PALB2: variants seen among roughly 807,000 people sequenced by gnomAD.
The protein encoded by PALB2 is mutant partner and localizer of BRCA2.
PALB2 carries 82 observed loss-of-function variants against 107.4 expected under a neutral mutation model. The ratio of observed to expected loss-of-function variants is 0.76; its 90% CI spans 0.64 to 0.92. The LOEUF (loss-of-function observed/expected upper bound fraction) is 0.92. Among genes scored for constraint, PALB2 ranks in the 40% least tolerant of loss-of-function variants. The pLI, the probability that PALB2 is intolerant of heterozygous loss-of-function variation, is 0.00. For missense variants in PALB2, 1,374 were observed against 1,379.9 expected (o/e 1.00, Z 0.07); for synonymous variants, 489 against 496.8 (o/e 0.98, Z 0.21).
Position 23,614,187 on chromosome 16 carries a change from G to A in PALB2, c.3114-96C>T, listed in dbSNP as rs931596267. On this transcript the variant is annotated intron_variant, in intron 10 of 12. Coordinates refer to ENST00000261584, the MANE Select transcript of PALB2 (RefSeq NM_024675.4). ...TTCATCATAGCATGTCTTAGGAGGT[G>A]ACCAGGGAAAAAACTAAGAGCTCCT... The A allele has an allele frequency of 7.1e-5, 63 of 887,466 alleles. No homozygotes were observed. The African/African-American group carries it at 1.0e-3, about 14-fold the overall frequency. 55.0% of individuals were successfully genotyped at this position (887,466 alleles called of 1,614,324 possible). A position where few individuals can be genotyped will look rare whatever the true frequency, so the allele number is the denominator to read the frequency against.
chr16:23,634,236 G>C (rs564847438), intron 4 of PALB2, among the ~76,000 whole-genome samples: 8 of 152,326 alleles, frequency 5.3e-5, no homozygotes, highest in African/African-American at 1.7e-4. Flanking sequence ...ATTAAGTAAA[G>C]TTATTTTAAT....
At chr16:23,633,397 G>C (rs532382203) in intron 4 of PALB2, among the ~76,000 whole-genome samples, 110 of 152,302 alleles carry the variant, frequency 7.2e-4, no homozygotes, top group Middle Eastern at 3.4e-3. Flanking sequence ...GCACATAGCT[G>C]AGTAGTTGAG....
At position 23,607,925 on chromosome 16, in the gene PALB2, G is replaced by A. The variant is rs1966508272; in HGVS notation, c.3289C>T (p.Pro1097Ser). 1 of 1,614,080 alleles carries A rather than the reference G, an allele frequency of 6.2e-7. No homozygotes were observed. The highest frequency in any genetic ancestry group is 8.5e-7 in the Non-Finnish European group (1 of 1,180,016). The change falls in exon 12 of 13, where the codon CCT becomes TCT. Residue 1097 changes from proline to serine, a missense_variant. Coordinates refer to ENST00000261584, the MANE Select transcript of PALB2 (RefSeq NM_024675.4). ...ACACCCACGCTGAGAGTCGTCTTAG[G>A]GTTAATCACAATGAGCTGAAACACA... ...SPVFQLIVIN[P>S]KTTLSVGVML...
rs377546218 is a variant in PALB2, at chr16:23,607,843, G to C, written c.3350+21C>G. On this transcript the variant is annotated intron_variant, in intron 12 of 12. Transcript: ENST00000261584. ...CCTTTCAGAATGTCCCACCCATAGAGTAGCAGTTATGCACACTTGCCTGCC... is the reference window on the plus strand; with the variant it reads ...CCTTTCAGAATGTCCCACCCATAGACTAGCAGTTATGCACACTTGCCTGCC... 2.5e-6 allele frequency: 4 copies of C among 1,613,356 alleles called. No homozygotes were observed. The East Asian group carries it at 6.7e-5, about 27-fold the overall frequency.
At chr16:23,631,825 CAA>C (rs1966880547) in intron 4 of PALB2, among the ~76,000 whole-genome samples, 1 of 152,162 alleles carries the variant, frequency 6.6e-6, no homozygotes, top group Non-Finnish European at 1.5e-5. Flanking sequence ...CCTTTTGAAG[CAA>C]AGAGTAATTT....
chr16:23,626,898 G>C (rs1966843786), intron 6 of PALB2, among the ~76,000 whole-genome samples: 1 of 151,948 alleles, frequency 6.6e-6, no homozygotes, highest in Non-Finnish European at 1.5e-5. Context: ...TGGGGTTACA[G>C]GCATGAGCCA....
At chr16:23,627,070 G>A (rs896138059) in intron 6 of PALB2, among the ~76,000 whole-genome samples, 1 of 152,156 alleles carries the variant, frequency 6.6e-6, no homozygotes, top group Non-Finnish European at 1.5e-5. Flanking sequence ...ATTCCTCGGA[G>A]GGAGTAACAT....
intron 12 of PALB2, among the ~76,000 whole-genome samples, chr16:23,604,088 T>TCAGG (rs1966417722): frequency 6.6e-6 from 1 of 152,210 alleles, no homozygotes; most frequent in Non-Finnish European, 1.5e-5. Context: ...ATCCTCTATC[T>TCAGG]CAGGCAGTGT....
At position 23,613,414 on chromosome 16, in the gene PALB2, C is replaced by T. The variant is rs577613269; in HGVS notation, c.3201+590G>A. Among the ~76,000 whole-genome samples, 177 of 152,100 alleles carry T rather than the reference C, an allele frequency of 1.2e-3. 1 individual carries two copies. Among genetic ancestry groups the T allele is most frequent in the African/African-American group, 4.1e-3 (171 of 41,502 alleles). ...ATACCAGCACTTTGGGAGGCTGAGG[C>T]GGGTGGATCACCTGAGGTCAGGAGT... is the stretch of plus-strand genomic sequence containing the variant. On this transcript the variant is annotated intron_variant, in intron 11 of 12. Coordinates refer to ENST00000261584, the MANE Select transcript of PALB2 (RefSeq NM_024675.4).
At position 23,624,055 on chromosome 16, in the gene PALB2, T is replaced by A. The variant is rs1227325413; in HGVS notation, c.2788A>T (p.Asn930Tyr). The A allele has an allele frequency of 1.2e-6, 2 of 1,608,338 alleles. No homozygotes were observed. Residue 930 changes from asparagine (N) to tyrosine (Y), a missense_variant, in exon 8 of 13, where the codon AAT (asparagine) becomes TAT (tyrosine). By Grantham distance (143) the Asn-to-Tyr change is moderately radical. Transcript: ENST00000261584. ...TTTCCCAAAGCTACACACACGAGAT[T>A]ATACACATCAGGCACTGGAACTATC... ...LQIVPVPDVY[N>Y]LVCVALGNLE... is the part of the protein sequence containing the mutation.
Position 23,626,285 on chromosome 16 carries a change from G to A in PALB2, c.2699C>T (p.Ala900Val), listed in dbSNP as rs730881890. The A allele has an allele frequency of 9.9e-6, 16 of 1,614,054 alleles. No homozygotes were observed. In the South Asian group the frequency reaches 1.5e-4, roughly 16 times the overall value. The change falls in exon 7 of 13, where the codon GCT becomes GTT. Residue 900 changes from alanine (A) to valine (V), a missense_variant. Physicochemically the swap from Ala to Val is moderately conservative, Grantham distance 64. Transcript: ENST00000261584. ...ACEDVVSLWK[A>V]LDAWQWEKLY... ...TTTTTCCCACTGCCAAGCATCCAGA[G>A]CTTTCCAAAGAGAAACTACATCTTC... is the stretch of plus-strand genomic sequence containing the variant.
At chr16:23,612,235 T>C (rs1966600020) in intron 11 of PALB2, among the ~76,000 whole-genome samples, 2 of 152,152 alleles carry the variant, frequency 1.3e-5, no homozygotes, top group South Asian at 4.1e-4. Flanking sequence ...TTTATTTATT[T>C]ATTTTGAGAC....
At chr16:23,613,450 C>G (rs1427716371) in intron 11 of PALB2, among the ~76,000 whole-genome samples, 4 of 152,048 alleles carry the variant, frequency 2.6e-5, no homozygotes, top group Non-Finnish European at 4.4e-5. Context: ...TCGAGACAAG[C>G]CTGGCCAACA....
In PALB2 at chr16:23,636,041, G is replaced by C. The variant is rs180177086; in HGVS notation, c.505C>G (p.Leu169Val). 6.2e-7 allele frequency: 1 copy of C among 1,614,086 alleles called. No individual in the cohort carries two copies. The highest frequency in any genetic ancestry group is 8.5e-7 in the Non-Finnish European group (1 of 1,180,022). Reference sequence around the variant, plus strand: ...TTTAGTCTTTTCCCAGACAATCTGAGTGAATCAGTGCCAAAGACACAGTCT... The same window carrying C: ...TTTAGTCTTTTCCCAGACAATCTGACTGAATCAGTGCCAAAGACACAGTCT... ...ERDCVFGTDSLRLSGKRLKEQ... is the reference protein window; with the variant it reads ...ERDCVFGTDSVRLSGKRLKEQ... The change falls in exon 4 of 13, where the codon CTC becomes GTC. Residue 169 changes from leucine (L) to valine (V), a missense_variant. Transcript: ENST00000261584.
Position 23,637,883 on chromosome 16 carries a change from G to A in PALB2, c.178C>T (p.Gln60Ter), listed in dbSNP as rs886039747. Residue 60 changes from glutamine to a stop codon, truncating the protein, a stop_gained, in exon 3 of 13, where the codon CAG (glutamine) becomes TAG (stop). Transcript: ENST00000261584. LOFTEE classifies it high-confidence loss of function. ...KTVEEQDCLS[Q>*]QDLSPQLKHS... is the part of the protein sequence containing the mutation. ...TTTAGCTGCGGTGAGAGATCCTGCT[G>A]AGACAAACAATCTTGTTCTTCTACT... 1.2e-6 allele frequency: 2 copies of A among 1,613,974 alleles called. No individual in the cohort carries two copies. The highest frequency in any genetic ancestry group is 1.7e-6 in the Non-Finnish European group (2 of 1,179,892).
chr16:23,628,138 T>C (rs1298434500), intron 6 of PALB2, among the ~76,000 whole-genome samples: 1 of 152,204 alleles, frequency 6.6e-6, no homozygotes. Context: ...GCACGAGAAT[T>C]GCTTGAACCT....
intron 9 of PALB2, among the ~76,000 whole-genome samples, chr16:23,622,083 C>T (rs1413363017): frequency 6.6e-6 from 1 of 151,998 alleles, no homozygotes; most frequent in Non-Finnish European, 1.5e-5. Flanking sequence ...AGTTCCCTGC[C>T]CTCCATTTTT....
At chr16:23,614,753 C>G (rs551735580) in intron 10 of PALB2, among the ~76,000 whole-genome samples, 64 of 147,570 alleles carry the variant, frequency 4.3e-4, no homozygotes, top group Non-Finnish European at 6.9e-4. Flanking sequence ...CGGGTTCACG[C>G]CATTCTCCTG....
intron 12 of PALB2, among the ~76,000 whole-genome samples, chr16:23,604,696 G>A (rs573650192): frequency 6.6e-6 from 1 of 152,030 alleles, no homozygotes; most frequent in African/African-American, 2.4e-5. Flanking sequence ...AACATGGGAG[G>A]TGGAGGTTGC....
Sources: gnomAD v4.1 joint callset for allele counts (sites outside exome capture counted in the v4.1 genomes callset) on GRCh38, gnomAD v4.1.1 for gene constraint, MANE v1.5 for transcripts, NCBI Gene and HGNC (gene_info 2026-07-23, HGNC 2026-07-21) for gene names.